Variants in NREP observed in about 807,000 individuals in gnomAD.
The protein encoded by NREP is neuronal regeneration-related protein.
Under a neutral mutation model 8.6 loss-of-function variants are expected in NREP, and 5 were observed. The observed-to-expected ratio is 0.58, with a 90% confidence interval of 0.30 to 1.22. The LOEUF (loss-of-function observed/expected upper bound fraction) is 1.22. NREP is among the 50% of genes most tolerant of loss of function. NREP has a pLI of 0.07. For missense variants in NREP, 86 were observed against 82.5 expected (o/e 1.04, Z -0.17); for synonymous variants, 27 against 28.0 (o/e 0.96, Z 0.11).
chr5:111,864,309 G>T (rs1339039577), intron 2 of NREP, among the ~76,000 whole-genome samples: 4 of 152,110 alleles, frequency 2.6e-5, no homozygotes, highest in Non-Finnish European at 5.9e-5. Context: ...TGTTGTGGAA[G>T]TATTGCCATG....
At chr5:111,927,481 G>C (rs1755421852) in intron 2 of NREP, among the ~76,000 whole-genome samples, 1 of 152,118 alleles carries the variant, frequency 6.6e-6, no homozygotes, top group African/African-American at 2.4e-5. Flanking sequence ...GAAAGGAAAG[G>C]AAAATCTTGG....
At chr5:111,731,315 T>C (rs931353767) in intron 3 of NREP, among the ~76,000 whole-genome samples, 1 of 152,016 alleles carries the variant, frequency 6.6e-6, no homozygotes, top group South Asian at 2.1e-4. Context: ...GCCAGCCATG[T>C]GTGAGGCAGC....
chr5:111,803,525 C>T (rs1752065129), intron 2 of NREP, among the ~76,000 whole-genome samples: 1 of 152,198 alleles, frequency 6.6e-6, no homozygotes, highest in South Asian at 2.1e-4. Flanking sequence ...TTTGATATTT[C>T]AGCATTTGGG....
At chr5:111,892,029 G>C (rs999559252) in intron 2 of NREP, among the ~76,000 whole-genome samples, 1 of 152,094 alleles carries the variant, frequency 6.6e-6, no homozygotes, top group African/African-American at 2.4e-5. Context: ...TGAGACACTA[G>C]AAAGCAATAA....
At chr5:111,767,489 A>G (rs939960401) in intron 2 of NREP, among the ~76,000 whole-genome samples, 4 of 152,032 alleles carry the variant, frequency 2.6e-5, no homozygotes, top group Non-Finnish European at 5.9e-5. Context: ...CTAATCCAAA[A>G]CTGCTTACCA....
chr5:111,734,837 G>A, intron 3 of NREP: 1 of 530,428 alleles, frequency 1.9e-6, no homozygotes, highest in South Asian at 2.8e-5. Context: ...AGTATCTACA[G>A]TAAAAACTGG....
intron 2 of NREP, among the ~76,000 whole-genome samples, chr5:111,919,867 G>GAA (rs1755176002): frequency 2.3e-5 from 3 of 131,650 alleles, no homozygotes; most frequent in Non-Finnish European, 3.2e-5. Flanking sequence ...AACTTGAAGA[G>GAA]AGAGAAAGAA....
chr5:111,925,643 G>A (rs990330051), intron 2 of NREP, among the ~76,000 whole-genome samples: 4 of 152,152 alleles, frequency 2.6e-5, no homozygotes, highest in Non-Finnish European at 5.9e-5. Flanking sequence ...AACTGAGTCA[G>A]GAGACAGGGA....
intron 2 of NREP, among the ~76,000 whole-genome samples, chr5:111,882,459 G>C (rs1446035754): frequency 1.3e-5 from 2 of 152,108 alleles, no homozygotes; most frequent in African/African-American, 4.8e-5. Flanking sequence ...GCGACCATTT[G>C]GATGCAGGAA....
At chr5:111,890,125 C>T (rs1439734238) in intron 2 of NREP, among the ~76,000 whole-genome samples, 2 of 152,180 alleles carry the variant, frequency 1.3e-5, no homozygotes, top group Admixed American at 6.5e-5. Context: ...CATTGGTAAG[C>T]ATTCCCATTC....
At chr5:111,882,383 G>A in intron 2 of NREP, among the ~76,000 whole-genome samples, 1 of 152,208 alleles carries the variant, frequency 6.6e-6, no homozygotes, top group Non-Finnish European at 1.5e-5. Flanking sequence ...CGGGGAGAAT[G>A]GAACTAAGTT....
chr5:111,974,117 G>A (rs993192328), intron 2 of NREP, among the ~76,000 whole-genome samples: 1 of 152,164 alleles, frequency 6.6e-6, no homozygotes, highest in Non-Finnish European at 1.5e-5. Flanking sequence ...TACCGTGACT[G>A]TGTTTTCCCT....
At chr5:111,921,059 T>C (rs1755225117) in intron 2 of NREP, among the ~76,000 whole-genome samples, 1 of 152,120 alleles carries the variant, frequency 6.6e-6, no homozygotes, top group African/African-American at 2.4e-5. Context: ...TGGGCTGCTT[T>C]TTGTCAGAAG....
chr5:111,774,237 G>C (rs1000643074), intron 2 of NREP, among the ~76,000 whole-genome samples: 1 of 151,034 alleles, frequency 6.6e-6, no homozygotes, highest in Non-Finnish European at 1.5e-5. Context: ...GGGAGGGAAG[G>C]AAGAAGGGAG....
rs146561215 is a variant in NREP at position 111,888,730 on chromosome 5, C to G, written c.135+86544G>C. On this transcript the variant is annotated intron_variant, in intron 2 of 3. Coordinates refer to the NREP transcript ENST00000395634. ...GTCTTTTCCATGCTGTCTTTCTCTC[C>G]TACTTCTCCTTCTGTGCTTTGCCCC... is the stretch of plus-strand genomic sequence containing the variant. Among the ~76,000 whole-genome samples, 1,111 of 152,302 alleles carry G rather than the reference C, an allele frequency of 7.3e-3. 7 individuals are homozygous for G. Among genetic ancestry groups the G allele is most frequent in the Non-Finnish European group, 0.012 (805 of 68,010 alleles).
chr5:111,818,091 A>T (rs549319001), intron 2 of NREP, among the ~76,000 whole-genome samples: 1 of 152,316 alleles, frequency 6.6e-6, no homozygotes, highest in South Asian at 2.1e-4. Flanking sequence ...GATATTTGAA[A>T]TGTATTAACT....
At chr5:111,953,611 G>C (rs1417121064) in intron 2 of NREP, among the ~76,000 whole-genome samples, 2 of 151,960 alleles carry the variant, frequency 1.3e-5, no homozygotes, top group African/African-American at 4.8e-5. Flanking sequence ...AAAAAGACAT[G>C]GTCCCTGCCC....
intron 2 of NREP, among the ~76,000 whole-genome samples, chr5:111,898,915 G>A (rs1754576779): frequency 6.6e-6 from 1 of 151,998 alleles, no homozygotes. Context: ...AACCTTGTAG[G>A]CTGGGAGAGA....
At chr5:111,839,325 CCAGAGT>C (rs1376724467) in intron 2 of NREP, among the ~76,000 whole-genome samples, 2 of 152,118 alleles carry the variant, frequency 1.3e-5, no homozygotes, top group African/African-American at 4.8e-5. Flanking sequence ...AGGGCAATGA[CCAGAGT>C]CATAGGTGGT....
Sources: allele counts gnomAD v4.1 joint callset (sites outside exome capture counted in the v4.1 genomes callset), GRCh38; gene constraint gnomAD v4.1.1; transcripts MANE v1.5; gene names NCBI Gene and HGNC (gene_info 2026-07-23, HGNC 2026-07-21).